The following NUDCD2 variants were observed in gnomAD, a reference collection of about 807,000 sequenced individuals.
NUDCD2 encodes nudC domain-containing protein 2.
Under a neutral mutation model 20.8 loss-of-function variants are expected in NUDCD2, and 16 were observed. The observed-to-expected ratio is 0.77, with a 90% CI of 0.52 to 1.17. NUDCD2 has a LOEUF of 1.17. NUDCD2 is among the 50% of genes most tolerant of loss of function. The pLI is 0.00. For missense variants in NUDCD2, 199 were observed against 193.9 expected (o/e 1.03, Z -0.16); for synonymous variants, 87 against 72.8 (o/e 1.20, Z -1.00).
At position 163,449,075 on chromosome 5, in the gene NUDCD2, G is replaced by A. The variant is rs1758113554; in HGVS notation, c.*4892C>T. 6.6e-6 allele frequency: 1 copy of A among 152,048 alleles called. No homozygotes were observed. Among genetic ancestry groups the A allele is most frequent in the African/African-American group, 2.4e-5 (1 of 41,394 alleles). 9.4% of individuals were successfully genotyped at this position (152,048 alleles called of 1,614,324 possible). A position where few individuals can be genotyped will look rare whatever the true frequency, so the allele number is the denominator to read the frequency against. The stretch of plus-strand genomic sequence containing the variant: ...GCCACTTTCTCCATGTTATTGTTCT[G>A]GCCACTGCAATCAGGCAAGAAAAAT... On this transcript the variant is annotated 3_prime_UTR_variant, in exon 4 of 4. Transcript: ENST00000302764.
In NUDCD2 at chr5:163,457,608, G is replaced by T; in HGVS notation, c.192C>A (p.Gly64=). 1.3e-6 allele frequency: 2 copies of T among 1,580,998 alleles called. No homozygotes were observed. The highest frequency in any genetic ancestry group is 1.3e-5 in the African/African-American group (1 of 74,296). Reference sequence around the variant, plus strand: ...CAGCTATTGTAGAATCAAAGAGTTTGCCCTGAAAAATAAACATATAAGGTG... The same window carrying T: ...CAGCTATTGTAGAATCAAAGAGTTTTCCCTGAAAAATAAACATATAAGGTG... The part of the protein sequence containing the change: ...LSVGGREILK[G]KLFDSTIADE... Residue 64 remains glycine, a splice_region_variant and synonymous_variant, in exon 2 of 4, where the codon GGC becomes GGA. Transcript: ENST00000302764.
chr5:163,458,733 A>G (rs1758388566), intron 1 of NUDCD2, among the ~76,000 whole-genome samples: 1 of 152,252 alleles, frequency 6.6e-6, no homozygotes, highest in Non-Finnish European at 1.5e-5. Context: ...TGAGAAAAAA[A>G]TCCCACTGGT....
rs1017053490 is a variant in NUDCD2 at position 163,451,213 on chromosome 5, A to C, written c.*2754T>G. ...TAAAATTGATTATTGGAATGGTTGC[A>C]TTTATCTGTGTATATACTAAAAGCT... On this transcript the variant is annotated 3_prime_UTR_variant, in exon 4 of 4. Transcript: ENST00000302764. The C allele has an allele frequency of 6.6e-6, 1 of 152,250 alleles. No individual in the cohort carries two copies. Among genetic ancestry groups the C allele is most frequent in the East Asian group, 1.9e-4 (1 of 5,206 alleles). The allele number at this position is 152,250 out of a possible 1,614,324, so 9.4% of individuals were successfully genotyped here. A position where few individuals can be genotyped will look rare whatever the true frequency, so the allele number is the denominator to read the frequency against.
chr5:163,452,352 G>C lies in NUDCD2; in HGVS notation c.*1615C>G, dbSNP rs1451268707. 6.6e-6 allele frequency: 1 copy of C among 152,266 alleles called. No homozygotes were observed. Among genetic ancestry groups the C allele is most frequent in the South Asian group, 2.1e-4 (1 of 4,822 alleles). The allele number at this position is 152,266 out of a possible 1,614,324, so 9.4% of individuals were successfully genotyped here. On this transcript the variant is annotated 3_prime_UTR_variant, in exon 4 of 4. Transcript: ENST00000302764. ...TGATTCTTGGGTTAGGTCGAGGACA[G>C]CATGAGAAGCCTGGTATATCTTATG...
intron 3 of NUDCD2, among the ~76,000 whole-genome samples, chr5:163,456,430 T>A (rs1758311756): frequency 1.3e-5 from 2 of 152,128 alleles, no homozygotes; most frequent in African/African-American, 4.8e-5. Context: ...AAGAATGAGT[T>A]TTATACCTAT....
intron 1 of NUDCD2, 111 bp downstream of exon 1, chr5:163,459,751 C>T (rs1758429166): frequency 5.4e-6 from 5 of 934,284 alleles, no homozygotes; most frequent in African/African-American, 5.0e-5. Flanking sequence ...TATCCTCTTT[C>T]TCTTTCTGCC....
chr5:163,456,419 A>G (rs1020345078), intron 3 of NUDCD2, among the ~76,000 whole-genome samples: 1 of 152,218 alleles, frequency 6.6e-6, no homozygotes, highest in South Asian at 2.1e-4. Context: ...AAGCAGTTAA[A>G]AAGAATGAGT....
At chr5:163,457,453 A>G in intron 2 of NUDCD2, 109 bp downstream of exon 2, 2 of 731,624 alleles carry the variant, frequency 2.7e-6, no homozygotes, top group South Asian at 1.7e-5. Flanking sequence ...ACACATTTCT[A>G]TTGCTTTATC....
Position 163,460,034 on chromosome 5 carries a change from T to C in NUDCD2, c.17A>G (p.Glu6Gly), listed in dbSNP as rs775951291. The part of the protein sequence containing the change: MSAPF[E>G]ERSGVVPCGT... ...GCACGGTACCACCCCACTCCGCTCC[T>C]CAAACGGGGCCGACATAATCCAGTC... is the stretch of plus-strand genomic sequence containing the variant. Residue 6 changes from glutamate (E) to glycine (G), a missense_variant, in exon 1 of 4, where the codon GAG (glutamate) becomes GGG (glycine). By Grantham distance (98) the Glu-to-Gly change is moderately conservative. Coordinates refer to ENST00000302764, the MANE Select transcript of NUDCD2 (RefSeq NM_145266.6). 2 of 1,593,334 alleles carry C rather than the reference T, an allele frequency of 1.3e-6. No homozygotes were observed. The highest frequency in any genetic ancestry group is 1.8e-5 in the Admixed American group (1 of 55,272).
intron 3 of NUDCD2, among the ~76,000 whole-genome samples, 157 bp from the exon 4 acceptor site, chr5:163,454,207 G>A (rs905597858): frequency 1.3e-5 from 2 of 152,084 alleles, no homozygotes; most frequent in African/African-American, 4.8e-5. Context: ...TTAAAATTAT[G>A]AGGCATTTTT....
chr5:163,458,437 TAA>T (rs1758380550), intron 1 of NUDCD2, among the ~76,000 whole-genome samples: 1 of 151,986 alleles, frequency 6.6e-6, no homozygotes, highest in African/African-American at 2.4e-5. Flanking sequence ...AATATAAATT[TAA>T]AAGAGACTGC....
At position 163,459,872 on chromosome 5, in the gene NUDCD2, T is replaced by C. The variant is rs1350985210; in HGVS notation, c.179A>G (p.Glu60Gly). ...RHVALSVGGREILKGKLFDST... is the reference protein window; with the variant it reads ...RHVALSVGGRGILKGKLFDST... ...CCGAGCTGCCGCTACCTTGAGGATC[T>C]CGCGGCCGCCCACCGACAGCGCCAC... The change falls in exon 1 of 4, where the codon GAG (glutamate) becomes GGG (glycine). Residue 60 changes from glutamate to glycine, a missense_variant. Transcript: ENST00000302764. The C allele has an allele frequency of 1.9e-6, 3 of 1,602,260 alleles. No homozygotes were observed. In the African/African-American group the frequency reaches 4.0e-5, roughly 22 times the overall value.
intron 3 of NUDCD2, among the ~76,000 whole-genome samples, chr5:163,454,970 T>C (rs956537515): frequency 6.6e-6 from 1 of 152,184 alleles, no homozygotes; most frequent in Non-Finnish European, 1.5e-5. Flanking sequence ...TATGTTAGGC[T>C]TTGCAGTCCA....
rs928879446 is a variant in NUDCD2, at chr5:163,453,394, T to G, written c.*573A>C. Reference sequence around the variant, plus strand: ...TGTTAATCCACTTCTATTGTTAGGGTTTTAACTATTTTTAAACTTCTTGAC... The same window carrying G: ...TGTTAATCCACTTCTATTGTTAGGGGTTTAACTATTTTTAAACTTCTTGAC... On this transcript the variant is annotated 3_prime_UTR_variant, in exon 4 of 4. Coordinates refer to ENST00000302764, the MANE Select transcript of NUDCD2 (RefSeq NM_145266.6). 4.6e-5 allele frequency: 7 copies of G among 152,284 alleles called. No homozygotes were observed. Among genetic ancestry groups the G allele is most frequent in the African/African-American group, 1.7e-4 (7 of 41,456 alleles). 9.4% of individuals were successfully genotyped at this position (152,284 alleles called of 1,614,324 possible).
rs1758077037 is a variant in NUDCD2, at chr5:163,447,816, AAAC to A, written c.*6148_*6150del. 6.6e-6 allele frequency: 1 copy of A among 152,216 alleles called. No individual in the cohort carries two copies. Among genetic ancestry groups the A allele is most frequent in the African/African-American group, 2.4e-5 (1 of 41,464 alleles). The allele number at this position is 152,216 out of a possible 1,614,324, so 9.4% of individuals were successfully genotyped here. On this transcript the variant is annotated 3_prime_UTR_variant, in exon 4 of 4. Coordinates refer to ENST00000302764, the MANE Select transcript of NUDCD2 (RefSeq NM_145266.6). ...GAAAATCTCCAAACACTTGGAAATTAAACAACACATTTCTAAATAACTCATGAT... is the reference window on the plus strand; with the variant it reads ...GAAAATCTCCAAACACTTGGAAATTAAACACATTTCTAAATAACTCATGAT...
At position 163,450,408 on chromosome 5, in the gene NUDCD2, G is replaced by A. The variant is rs1333500030; in HGVS notation, c.*3559C>T. 1.3e-5 allele frequency: 2 copies of A among 152,172 alleles called. No individual in the cohort carries two copies. Among genetic ancestry groups the A allele is most frequent in the Non-Finnish European group, 2.9e-5 (2 of 68,032 alleles). The allele number at this position is 152,172 out of a possible 1,614,324, so 9.4% of individuals were successfully genotyped here. A position where few individuals can be genotyped will look rare whatever the true frequency, so the allele number is the denominator to read the frequency against. ...AAAGACACTATCAACAAAGTAAAGA[G>A]AGAATAGGAGAAATTACAAATCATA... On this transcript the variant is annotated 3_prime_UTR_variant, in exon 4 of 4. Transcript: ENST00000302764.
intron 1 of NUDCD2, 32 bp downstream of exon 1, chr5:163,459,830 G>A: frequency 2.6e-6 from 4 of 1,562,242 alleles, no homozygotes; most frequent in Middle Eastern, 2.1e-4. Context: ...CTGGGAAGAG[G>A]AAACTGAACA....
rs1758114090 is a variant in NUDCD2 at position 163,449,102 on chromosome 5, A to G, written c.*4865T>C. On this transcript the variant is annotated 3_prime_UTR_variant, in exon 4 of 4. Coordinates refer to ENST00000302764, the MANE Select transcript of NUDCD2 (RefSeq NM_145266.6). ...CCACTGCAATCAGGCAAGAAAAATCATAGACTAAAAAGAATAAAATAAAAC... is the reference window on the plus strand; with the variant it reads ...CCACTGCAATCAGGCAAGAAAAATCGTAGACTAAAAAGAATAAAATAAAAC... 6.6e-6 allele frequency: 1 copy of G among 152,230 alleles called. No individual in the cohort carries two copies. Among genetic ancestry groups the G allele is most frequent in the Admixed American group, 6.5e-5 (1 of 15,286 alleles). The allele number at this position is 152,230 out of a possible 1,614,324, so 9.4% of individuals were successfully genotyped here.
At position 163,457,091 on chromosome 5, in the gene NUDCD2, AACACAC is replaced by A. The variant is rs113515886; in HGVS notation, c.239-17_239-12del. On this transcript the variant is annotated splice_polypyrimidine_tract_variant and intron_variant, in intron 2 of 3. Transcript: ENST00000302764. ...CCATTTTTCTGTCCTCTAAAAAAAA[AACACAC>A]ACACACACACGCACAAATAAATTAG... is the stretch of plus-strand genomic sequence containing the variant. 3 of 1,491,350 alleles carry A rather than the reference AACACAC, an allele frequency of 2.0e-6. No homozygotes were observed. In the African/African-American group the frequency reaches 4.2e-5, roughly 21 times the overall value. 92.4% of individuals were successfully genotyped at this position (1,491,350 alleles called of 1,614,324 possible). A position where few individuals can be genotyped will look rare whatever the true frequency, so the allele number is the denominator to read the frequency against.
Sources: gnomAD v4.1 joint callset for allele counts (sites outside exome capture counted in the v4.1 genomes callset) on GRCh38, gnomAD v4.1.1 for gene constraint, MANE v1.5 for transcripts, NCBI Gene and HGNC (gene_info 2026-07-23, HGNC 2026-07-21) for gene names.